Variants in GAL3ST3 observed in about 807,000 individuals in gnomAD.
GAL3ST3 encodes the protein galactose-3-O-sulfotransferase 3.
GAL3ST3 carries 21 observed loss-of-function variants against 20.8 expected under a neutral mutation model. The ratio of observed to expected loss-of-function variants is 1.01; its 90% CI spans 0.72 to 1.45. The LOEUF (loss-of-function observed/expected upper bound fraction) is 1.45, where lower values mean the gene tolerates loss of function less well. Among genes scored for constraint, GAL3ST3 ranks in the 40% most tolerant of loss-of-function variants. The pLI is 0.00. For missense variants in GAL3ST3, 739 were observed against 662.7 expected, an observed-to-expected ratio of 1.12 and a Z score of -1.26; for synonymous variants, 355 against 307.2, an observed-to-expected ratio of 1.16 and a Z score of -1.63.
At chr11:66,043,972 TAGAA>T (rs1174442776) in intron 2 of GAL3ST3, among the ~76,000 whole-genome samples, 1 of 152,184 alleles carries the variant, frequency 6.6e-6, no homozygotes, top group African/African-American at 2.4e-5. Context: ...AATTTCATCA[TAGAA>T]AGACTGTGGC....
Position 66,042,676 on chromosome 11 carries a change from GGGCCGGCGCCGCC to G in GAL3ST3, c.1114_1126del (p.Gly372ArgfsTer85). On this transcript the variant is annotated frameshift_variant, in exon 3 of 3. Transcript: ENST00000312006. LOFTEE classifies it high-confidence loss of function. ...CAGCTTGAGGCAGGCCTCGGTGGCC[GGGCCGGCGCCGCC>G]GCCGGGCAGGTCATAGCCCATAATG... 2 of 1,534,354 alleles carry G rather than the reference GGGCCGGCGCCGCC, an allele frequency of 1.3e-6. No individual in the cohort carries two copies. Among genetic ancestry groups the G allele is most frequent in the Non-Finnish European group, 1.7e-6 (2 of 1,145,942 alleles).
In GAL3ST3 at chr11:66,043,621, G is replaced by T. The variant is rs1370053582; in HGVS notation, c.182C>A (p.Pro61His). Residue 61 changes from proline to histidine, a missense_variant, in exon 3 of 3, where the codon CCC (proline) becomes CAC (histidine). By Grantham distance (77) the Pro-to-His change is moderately conservative. Transcript: ENST00000312006. Reference sequence around the variant, plus strand: ...CAGGAAGGCCACAGTCATGTGCTTGGGGCGCGGCGGCGAGTTCCGCAGAGG... The same window carrying T: ...CAGGAAGGCCACAGTCATGTGCTTGTGGCGCGGCGGCGAGTTCCGCAGAGG... ...CPPLRNSPPR[P>H]KHMTVAFLKT... 6.2e-7 allele frequency: 1 copy of T among 1,612,300 alleles called. No homozygotes were observed. Among genetic ancestry groups the T allele is most frequent in the Non-Finnish European group, 8.5e-7 (1 of 1,179,432 alleles).
chr11:66,042,575 C>G lies in GAL3ST3; in HGVS notation c.1228G>C (p.Glu410Gln). 1.3e-6 allele frequency: 2 copies of G among 1,529,816 alleles called. No individual in the cohort carries two copies. The highest frequency in any genetic ancestry group is 1.4e-5 in the African/African-American group (1 of 72,566). 94.8% of individuals were successfully genotyped at this position (1,529,816 alleles called of 1,614,324 possible). A position where few individuals can be genotyped will look rare whatever the true frequency, so the allele number is the denominator to read the frequency against. The change falls in exon 3 of 3, where the codon GAG becomes CAG. Residue 410 changes from glutamate to glutamine, a missense_variant. Physicochemically the swap from Glu to Gln is conservative, Grantham distance 29. Transcript: ENST00000312006. ...KRRGGARARP[E>Q]PVLDNPPPRP... Reference sequence around the variant, plus strand: ...GGCGGGGGATTGTCCAGGACGGGCTCGGGCCGAGCCCGCGCACCGCCCCGG... The same window carrying G: ...GGCGGGGGATTGTCCAGGACGGGCTGGGGCCGAGCCCGCGCACCGCCCCGG...
In GAL3ST3 at chr11:66,045,339, C is replaced by A; in HGVS notation, c.77G>T (p.Gly26Val). Residue 26 changes from glycine (G) to valine (V), a missense_variant, in exon 2 of 3, where the codon GGG (glycine) becomes GTG (valine). Coordinates refer to ENST00000312006, the MANE Select transcript of GAL3ST3 (RefSeq NM_033036.3). ...SRRKILLLVL[G>V]CSTVSLLIHQ... ...GATGAGAAGGCTTACGGTGCTGCAC[C>A]CTAGCACCAGCAGCAGGATTTTCCG... The A allele has an allele frequency of 6.2e-7, 1 of 1,607,978 alleles. No individual in the cohort carries two copies. Among genetic ancestry groups the A allele is most frequent in the Non-Finnish European group, 8.5e-7 (1 of 1,176,940 alleles).
chr11:66,046,505 G>A (rs1037285602), intron 1 of GAL3ST3, among the ~76,000 whole-genome samples: 4 of 152,220 alleles, frequency 2.6e-5, no homozygotes, highest in African/African-American at 9.7e-5. Context: ...CCTGGGCGGG[G>A]TGTGGGTTGG....
At chr11:66,046,164 T>C (rs1399559999) in intron 1 of GAL3ST3, among the ~76,000 whole-genome samples, 3 of 152,224 alleles carry the variant, frequency 2.0e-5, no homozygotes, top group African/African-American at 2.4e-5. Context: ...TGTCCATAGC[T>C]ACACAGCTGG....
At position 66,042,944 on chromosome 11, in the gene GAL3ST3, C is replaced by T; in HGVS notation, c.859G>A (p.Ala287Thr). The change falls in exon 3 of 3, where the codon GCG becomes ACG. Residue 287 changes from alanine to threonine, a missense_variant. By Grantham distance (58) the Ala-to-Thr change is moderately conservative (BLOSUM62 0). Coordinates refer to ENST00000312006, the MANE Select transcript of GAL3ST3 (RefSeq NM_033036.3). ...AAIPAALARAARTWNALDAGL... is the reference protein window; with the variant it reads ...AAIPAALARATRTWNALDAGL... ...GCGTCCAGGGCGTTCCAGGTGCGCG[C>T]CGCCCGCGCCAGCGCCGCGGGGATG... 1 of 1,264,236 alleles carries T rather than the reference C, an allele frequency of 7.9e-7. No individual in the cohort carries two copies. The highest frequency in any genetic ancestry group is 1.0e-6 in the Non-Finnish European group (1 of 1,000,094). 78.3% of individuals were successfully genotyped at this position (1,264,236 alleles called of 1,614,324 possible).
At chr11:66,043,790 A>G in intron 2 of GAL3ST3, 113 bp from the exon 3 acceptor site, 3 of 951,752 alleles carry the variant, frequency 3.2e-6, no homozygotes, top group Non-Finnish European at 4.6e-6. Context: ...CCTGGGCTGC[A>G]CTCATGGAAA....
In GAL3ST3 at chr11:66,045,468, T is replaced by TA. The variant is rs1198036771; in HGVS notation, c.-54_-53insT. On this transcript the variant is annotated 5_prime_UTR_variant, in exon 2 of 3. It removes the in-frame stop codon of an upstream open reading frame in the 5' UTR. Coordinates refer to ENST00000312006, the MANE Select transcript of GAL3ST3 (RefSeq NM_033036.3). The stretch of plus-strand genomic sequence containing the variant: ...AGGGCCTCACTATCCAGGACTCCCT[T>TA]CACAGGCACTCATGGGGGATCCTGC... The TA allele has an allele frequency of 6.7e-7, 1 of 1,488,966 alleles. No homozygotes were observed. Among genetic ancestry groups the TA allele is most frequent in the Non-Finnish European group, 9.0e-7 (1 of 1,115,424 alleles). 92.2% of individuals were successfully genotyped at this position (1,488,966 alleles called of 1,614,324 possible). A position where few individuals can be genotyped will look rare whatever the true frequency, so the allele number is the denominator to read the frequency against.
Position 66,043,691 on chromosome 11 carries a change from G to T in GAL3ST3, c.126-14C>A. On this transcript the variant is annotated splice_polypyrimidine_tract_variant and intron_variant, in intron 2 of 2. Coordinates refer to ENST00000312006, the MANE Select transcript of GAL3ST3 (RefSeq NM_033036.3). ...AGCTTGGGGTACCTGCCAGGCCCAG[G>T]GAGTGTGCGGAGAGGAGGGTGTGAG... 1 of 1,583,384 alleles carries T rather than the reference G, an allele frequency of 6.3e-7. No homozygotes were observed.
intron 2 of GAL3ST3, 85 bp from the exon 3 acceptor site, chr11:66,043,762 C>T: frequency 2.4e-6 from 3 of 1,251,880 alleles, no homozygotes; most frequent in Non-Finnish European, 3.3e-6. Flanking sequence ...CTGTGGGATG[C>T]CCCACAGCGC....
chr11:66,045,112 CTT>C (rs1256748650), intron 2 of GAL3ST3, 177 bp downstream of exon 2: 8 of 464,482 alleles, frequency 1.7e-5, no homozygotes, highest in Admixed American at 4.3e-5. Flanking sequence ...GATTCTGTAA[CTT>C]TGAGCAAGTC....
Position 66,042,615 on chromosome 11 carries a change from C to G in GAL3ST3, c.1188G>C (p.Leu396Phe), listed in dbSNP as rs764552743. Reference protein sequence around the residue: ...MPEVQYSNYLLRKQKRRGGAR... With the variant: ...MPEVQYSNYLFRKQKRRGGAR... ...CACCGCCCCGGCGCTTCTGCTTGCG[C>G]AACAGGTAGTTCGAGTACTGGACCT... Residue 396 changes from leucine to phenylalanine, a missense_variant, in exon 3 of 3, where the codon TTG becomes TTC. Coordinates refer to ENST00000312006, the MANE Select transcript of GAL3ST3 (RefSeq NM_033036.3). 15 of 1,537,392 alleles carry G rather than the reference C, an allele frequency of 9.8e-6. No homozygotes were observed. Among genetic ancestry groups the G allele is most frequent in the African/African-American group, 1.4e-5 (1 of 73,280 alleles).
chr11:66,045,087 G>C lies in GAL3ST3; in HGVS notation c.125+204C>G. On this transcript the variant is annotated intron_variant, in intron 2 of 2. Coordinates refer to ENST00000312006, the MANE Select transcript of GAL3ST3 (RefSeq NM_033036.3). ...TGCTGTGGGGAGTTGAGCTGGATTC[G>C]GATCTCAGCTAACTGATTCTGTAAC... 4 of 412,554 alleles carry C rather than the reference G, an allele frequency of 9.7e-6. No homozygotes were observed. The South Asian group carries it at 2.3e-4, about 24-fold the overall frequency. The allele number at this position is 412,554 out of a possible 1,614,324, so 25.6% of individuals were successfully genotyped here. A position where few individuals can be genotyped will look rare whatever the true frequency, so the allele number is the denominator to read the frequency against.
In GAL3ST3 at chr11:66,043,174, C is replaced by T. The variant is rs1856736843; in HGVS notation, c.629G>A (p.Gly210Asp). The T allele has an allele frequency of 6.2e-7, 1 of 1,612,062 alleles. No homozygotes were observed. The highest frequency in any genetic ancestry group is 1.1e-5 in the South Asian group (1 of 91,042). ...GCGCGGGCTGCGCTCATTGTCGCCGCCCAGGTCGTAGGCCAGCGTGTTGTG... is the reference window on the plus strand; with the variant it reads ...GCGCGGGCTGCGCTCATTGTCGCCGTCCAGGTCGTAGGCCAGCGTGTTGTG... Reference protein sequence around the residue: ...FAHNTLAYDLGGDNERSPRDD... With the variant: ...FAHNTLAYDLDGDNERSPRDD... The change falls in exon 3 of 3, where the codon GGC (glycine) becomes GAC (aspartate). Residue 210 changes from glycine (G) to aspartate (D), a missense_variant. Transcript: ENST00000312006.
rs1856714387 is a variant in GAL3ST3, at chr11:66,042,387, G to C, written c.*120C>G. On this transcript the variant is annotated 3_prime_UTR_variant, in exon 3 of 3. Transcript: ENST00000312006. ...ATAGGGAGGCGTACCCCAAAGTTCA[G>C]CGAGGGACTCAAGCCCCTTGAAAAG... 1 of 773,626 alleles carries C rather than the reference G, an allele frequency of 1.3e-6. No homozygotes were observed. The highest frequency in any genetic ancestry group is 2.2e-5 in the South Asian group (1 of 46,374). 47.9% of individuals were successfully genotyped at this position (773,626 alleles called of 1,614,324 possible). A position where few individuals can be genotyped will look rare whatever the true frequency, so the allele number is the denominator to read the frequency against.
chr11:66,043,962 A>C (rs1310174632), intron 2 of GAL3ST3, among the ~76,000 whole-genome samples: 1 of 152,200 alleles, frequency 6.6e-6, no homozygotes, highest in Non-Finnish European at 1.5e-5. Context: ...TCACTTCTTA[A>C]ATTTCATCAT....
At chr11:66,047,283 A>G (rs1403593898) in intron 1 of GAL3ST3, among the ~76,000 whole-genome samples, 2 of 152,196 alleles carry the variant, frequency 1.3e-5, no homozygotes, top group Non-Finnish European at 2.9e-5. Context: ...TGGTGATTAG[A>G]CAGAAGTGTC....
In GAL3ST3 at chr11:66,043,074, G is replaced by A. The variant is rs1856734559; in HGVS notation, c.729C>T (p.Tyr243=). The change falls in exon 3 of 3, where the codon TAC becomes TAT. Residue 243 remains tyrosine, a synonymous_variant. Coordinates refer to ENST00000312006, the MANE Select transcript of GAL3ST3 (RefSeq NM_033036.3). ...GCAGCAGCACTAGCGACTCGTCGAA[G>A]TACTCGGCGATCATGACGAGCGAGA... The part of the protein sequence containing the change: ...EVFSLVMIAE[Y]FDESLVLLRR... 2 of 1,611,726 alleles carry A rather than the reference G, an allele frequency of 1.2e-6. No individual in the cohort carries two copies. The highest frequency in any genetic ancestry group is 8.5e-7 in the Non-Finnish European group (1 of 1,179,386).
Sources: allele counts gnomAD v4.1 joint callset (sites outside exome capture counted in the v4.1 genomes callset), GRCh38; gene constraint gnomAD v4.1.1; transcripts MANE v1.5; gene names NCBI Gene and HGNC (gene_info 2026-07-23, HGNC 2026-07-21).